Variants in HNRNPA3 observed in about 807,000 individuals in gnomAD.
The protein encoded by HNRNPA3 is heterogeneous nuclear ribonucleoprotein A3, also known as epididymis secretory sperm binding protein.
Under a neutral mutation model 45.8 loss-of-function variants are expected in HNRNPA3, and 3 were observed. The observed-to-expected ratio is 0.07, with a 90% confidence interval of 0.03 to 0.17. HNRNPA3 has a LOEUF of 0.17. Among genes scored for constraint, HNRNPA3 ranks in the 10% least tolerant of loss-of-function variants. The probability of loss-of-function intolerance (pLI) is 1.00; values close to 1 mark genes in which losing one functional copy is unlikely to be tolerated. For missense variants in HNRNPA3, 183 were observed against 480.3 expected, an observed-to-expected ratio of 0.38 and a Z score of 5.79; for synonymous variants, 170 against 155.6, an observed-to-expected ratio of 1.09 and a Z score of -0.69.
At chr2:177,214,504 T>C (rs1655688019) in intron 1 of HNRNPA3, among the ~76,000 whole-genome samples, 1 of 152,182 alleles carries the variant, frequency 6.6e-6, no homozygotes, top group African/African-American at 2.4e-5. Flanking sequence ...GTTTTGAGTT[T>C]AAATGTATGG....
downstream of HNRNPA3, chr2:177,222,809 A>G (rs1002493984): frequency 6.6e-6 from 1 of 152,634 alleles, no homozygotes; most frequent in African/African-American, 2.4e-5. Context: ...TGTCATGGGT[A>G]AAGGTTGGTC....
downstream of HNRNPA3, chr2:177,220,514 C>T (rs778915154): frequency 1.4e-4 from 22 of 153,466 alleles, no homozygotes; most frequent in Non-Finnish European, 2.1e-4. Flanking sequence ...GAATAAAAAT[C>T]ATGTGTTATT....
chr2:177,212,887 C>CG lies in HNRNPA3; in HGVS notation c.72+22dup, dbSNP rs758809251. The CG allele has an allele frequency of 7.0e-6, 10 of 1,421,728 alleles. No homozygotes were observed. The highest frequency in any genetic ancestry group is 6.5e-5 in the South Asian group (5 of 76,928). The allele number at this position is 1,421,728 out of a possible 1,614,324, so 88.1% of individuals were successfully genotyped here. On this transcript the variant is annotated intron_variant, in intron 1 of 10. Coordinates refer to ENST00000392524, the Ensembl canonical transcript of HNRNPA3. ...GGGGGAGGAGGTATTAGGGGGAGAG[C>CG]GGGGGGTTGGTGGGGAATGGCCGGC...
chr2:177,216,376 CCTT>C, intron 4 of HNRNPA3, 124 bp from the exon 5 acceptor site: 1 of 743,098 alleles, frequency 1.3e-6, no homozygotes, highest in East Asian at 2.7e-5. Flanking sequence ...TCAGAATGCT[CCTT>C]CATTACCAGA....
At position 177,215,955 on chromosome 2, in the gene HNRNPA3, TTAATA is replaced by T. The variant is rs745862173; in HGVS notation, c.343-20_343-16del. The T allele has an allele frequency of 6.9e-6, 11 of 1,598,154 alleles. No individual in the cohort carries two copies. Among genetic ancestry groups the T allele is most frequent in the Non-Finnish European group, 8.5e-6 (10 of 1,174,946 alleles). ...TTGTTGTGAAAGTTTGTTTCTTGAC[TTAATA>T]TATTACTTTATTTGTAGGATTCTGT... On this transcript the variant is annotated intron_variant, in intron 3 of 10. Coordinates refer to ENST00000392524, the Ensembl canonical transcript of HNRNPA3.
At position 177,212,975 on chromosome 2, in the gene HNRNPA3, C is replaced by CT. The variant is rs1688746311; in HGVS notation, c.72+106dup. The CT allele has an allele frequency of 6.9e-6, 5 of 729,702 alleles. No homozygotes were observed. In the Admixed American group the frequency reaches 1.8e-4, roughly 26 times the overall value. The allele number at this position is 729,702 out of a possible 1,614,324, so 45.2% of individuals were successfully genotyped here. A position where few individuals can be genotyped will look rare whatever the true frequency, so the allele number is the denominator to read the frequency against. ...TGGACCGGGTCGGCCGTCCCGCGCT[C>CT]TTGCGTTGAGACAGGCTGTGGGAGG... is the stretch of plus-strand genomic sequence containing the variant. On this transcript the variant is annotated intron_variant, in intron 1 of 10. Coordinates refer to ENST00000392524, the Ensembl canonical transcript of HNRNPA3.
At chr2:177,220,809 TTAA>T (rs1239106552), downstream of HNRNPA3, 2 of 152,662 alleles carry the variant, frequency 1.3e-5, no homozygotes, top group African/African-American at 2.4e-5. Flanking sequence ...AGAGTTTTAG[TTAA>T]TAAGGTCATA....
intron 1 of HNRNPA3, among the ~76,000 whole-genome samples, chr2:177,213,270 T>G (rs907375536): frequency 2.0e-5 from 3 of 152,160 alleles, no homozygotes; most frequent in Non-Finnish European, 2.9e-5. Context: ...CACATTGACA[T>G]TGATCCGCCG....
chr2:177,216,432 G>A (rs1219108276), intron 4 of HNRNPA3, 71 bp from the exon 5 acceptor site: 5 of 1,066,998 alleles, frequency 4.7e-6, no homozygotes, highest in Non-Finnish European at 7.1e-6. Context: ...TAATGACAGA[G>A]GGTATCTCAT....
intron 4 of HNRNPA3, 129 bp from the exon 5 acceptor site, chr2:177,216,374 C>T (rs1688935957): frequency 4.1e-6 from 3 of 738,334 alleles, no homozygotes; most frequent in Non-Finnish European, 6.6e-6. Context: ...TCTCAGAATG[C>T]TCCTTCATTA....
In HNRNPA3 at chr2:177,212,887, CG is replaced by C. The variant is rs758809251; in HGVS notation, c.72+22del. On this transcript the variant is annotated intron_variant, in intron 1 of 10. Coordinates refer to ENST00000392524, the Ensembl canonical transcript of HNRNPA3. ...GGGGGAGGAGGTATTAGGGGGAGAG[CG>C]GGGGGTTGGTGGGGAATGGCCGGCG... 9.8e-6 allele frequency: 14 copies of C among 1,421,568 alleles called. No individual in the cohort carries two copies. Among genetic ancestry groups the C allele is most frequent in the East Asian group, 5.6e-5 (2 of 35,926 alleles). The allele number at this position is 1,421,568 out of a possible 1,614,324, so 88.1% of individuals were successfully genotyped here. A position where few individuals can be genotyped will look rare whatever the true frequency, so the allele number is the denominator to read the frequency against.
chr2:177,214,563 A>G (rs1688843366), intron 1 of HNRNPA3, among the ~76,000 whole-genome samples: 1 of 152,208 alleles, frequency 6.6e-6, no homozygotes, highest in African/African-American at 2.4e-5. Context: ...TGGGAGGCCG[A>G]GGCGGGCGGA....
intron 10 of HNRNPA3, 25 bp downstream of exon 10, chr2:177,219,339 T>C (rs746989072): frequency 5.2e-6 from 8 of 1,529,600 alleles, no homozygotes; most frequent in South Asian, 1.2e-5. Flanking sequence ...ATTTTTATTA[T>C]GATGATAAAA....
exon 11 of HNRNPA3, chr2:177,219,976 A>C (rs1235764952): frequency 6.6e-6 from 1 of 152,626 alleles, no homozygotes; most frequent in East Asian, 1.9e-4. Context: ...CCATTTCCAA[A>C]CCATGATATG....
At chr2:177,222,153 G>T (rs2105441257), downstream of HNRNPA3, 1 of 152,748 alleles carries the variant, frequency 6.5e-6, no homozygotes, top group East Asian at 1.9e-4. Context: ...GTAGTTGACA[G>T]TAAAACCTGA....
intron 7 of HNRNPA3, 30 bp from the exon 8 acceptor site, chr2:177,217,675 G>A (rs757887937): frequency 1.2e-6 from 2 of 1,611,896 alleles, no homozygotes; most frequent in Non-Finnish European, 1.7e-6. Context: ...TTAAGTTTTT[G>A]TGTGGTCTTG....
At chr2:177,214,916 A>G (rs532377569) in intron 1 of HNRNPA3, among the ~76,000 whole-genome samples, 74 of 152,340 alleles carry the variant, frequency 4.9e-4, no homozygotes, top group Non-Finnish European at 7.2e-4. Context: ...ACTTACTAGC[A>G]ACTTCTAAAG....
At chr2:177,220,464 C>A (rs1291035350), downstream of HNRNPA3, 1 of 153,720 alleles carries the variant, frequency 6.5e-6, no homozygotes, top group East Asian at 1.9e-4. Context: ...TCTTGAGTTA[C>A]TTTAAATTCT....
exon 4 of HNRNPA3, chr2:177,216,073 T>C (rs1454022894): frequency 6.4e-7 from 1 of 1,557,854 alleles, no homozygotes; most frequent in Non-Finnish European, 8.8e-7. Context: ...GAGACTACTT[T>C]GAAAAGTATG....
Sources: allele counts gnomAD v4.1 joint callset (sites outside exome capture counted in the v4.1 genomes callset), GRCh38; gene constraint gnomAD v4.1.1; transcripts MANE v1.5; gene names NCBI Gene and HGNC (gene_info 2026-07-23, HGNC 2026-07-21).